The following MTHFD2L variants were observed in gnomAD, a reference collection of about 807,000 sequenced individuals.
MTHFD2L encodes methylenetetrahydrofolate dehydrogenase (NADP+ dependent) 2 like.
In MTHFD2L, 29 loss-of-function variants were observed where a neutral mutation model predicts 34.9. The observed-to-expected ratio is 0.83, with a 90% CI of 0.62 to 1.13. The LOEUF (loss-of-function observed/expected upper bound fraction) is 1.13. Ranked by LOEUF, MTHFD2L falls within the 50% of genes most tolerant of loss-of-function variation. The probability of loss-of-function intolerance (pLI) is 0.00; values close to 1 mark genes in which losing one functional copy is unlikely to be tolerated. For missense variants in MTHFD2L, 481 were observed against 446.5 expected (o/e 1.08, Z -0.70); for synonymous variants, 167 against 155.7 (o/e 1.07, Z -0.54).
chr4:74,250,869 G>A (rs576336585), intron 6 of MTHFD2L, among the ~76,000 whole-genome samples: 44 of 152,198 alleles, frequency 2.9e-4, no homozygotes, highest in South Asian at 2.3e-3. Flanking sequence ...TCCCAACTGC[G>A]CACTCCATTT....
At position 74,225,366 on chromosome 4, in the gene MTHFD2L, G is replaced by T. The variant is rs200101639; in HGVS notation, c.777G>T (p.Gln259His). Residue 259 changes from glutamine (Q) to histidine (H), a missense_variant, in exon 6 of 8, where the codon CAG (glutamine) becomes CAT (histidine). Gln to His is a conservative substitution (Grantham distance 24, BLOSUM62 0). Coordinates refer to ENST00000325278, the MANE Select transcript of MTHFD2L (RefSeq NM_001144978.3). ...AAGAGCAACTGAAGATTCATACGCA[G>T]CTGGCAGATATTATCATAGTTGCTG... ...TPKEQLKIHT[Q>H]LADIIIVAAG... 7.4e-6 allele frequency: 12 copies of T among 1,612,954 alleles called. No individual in the cohort carries two copies. In the Admixed American group the frequency reaches 8.3e-5, roughly 11 times the overall value.
At chr4:74,193,370 T>C (rs571490616) in intron 3 of MTHFD2L, among the ~76,000 whole-genome samples, 8 of 152,320 alleles carry the variant, frequency 5.3e-5, no homozygotes, top group African/African-American at 1.9e-4. Context: ...TTGTAGCAAG[T>C]CTTGAAGTCA....
chr4:74,143,392 G>T, intron 1 of MTHFD2L: 1 of 985,054 alleles, frequency 1.0e-6, no homozygotes, highest in Non-Finnish European at 1.2e-6. Context: ...TTTTTGTCTA[G>T]GCTGGTGCAG....
chr4:74,154,465 TATTC>T (rs1416598402), upstream of MTHFD2L, among the ~76,000 whole-genome samples: 1 of 152,162 alleles, frequency 6.6e-6, no homozygotes, highest in African/African-American at 2.4e-5. Context: ...TTTATTTATT[TATTC>T]AATCACATAT....
At chr4:74,282,367 A>G (rs1225845429) in intron 7 of MTHFD2L, among the ~76,000 whole-genome samples, 1 of 152,162 alleles carries the variant, frequency 6.6e-6, no homozygotes, top group Non-Finnish European at 1.5e-5. Flanking sequence ...TGGCCAAAAA[A>G]TACAGTGCCA....
chr4:74,115,373 A>T (rs1721639836), intron 2 of MTHFD2L, among the ~76,000 whole-genome samples: 1 of 152,254 alleles, frequency 6.6e-6, no homozygotes, highest in African/African-American at 2.4e-5. Context: ...CAATGCTAAT[A>T]CCAAATACTA....
At chr4:74,281,323 A>ATG in intron 6 of MTHFD2L, 102 bp from the exon 7 acceptor site, 2 of 692,402 alleles carry the variant, frequency 2.9e-6, no homozygotes, top group Non-Finnish European at 3.9e-6. Context: ...TATTACACAT[A>ATG]CGTGTGTGTG....
chr4:74,250,097 C>A (rs1578615339), intron 6 of MTHFD2L, among the ~76,000 whole-genome samples: 1 of 152,108 alleles, frequency 6.6e-6, no homozygotes, highest in East Asian at 1.9e-4. Context: ...TCCATTCTCC[C>A]CGTCACTTTC....
chr4:74,227,354 C>A (rs1739323975), intron 6 of MTHFD2L, among the ~76,000 whole-genome samples: 1 of 151,808 alleles, frequency 6.6e-6, no homozygotes, highest in Non-Finnish European at 1.5e-5. Context: ...CTAAGAGCTG[C>A]AACAGCTTTT....
At chr4:74,209,991 C>G (rs1200577434) in intron 5 of MTHFD2L, among the ~76,000 whole-genome samples, 1 of 152,172 alleles carries the variant, frequency 6.6e-6, no homozygotes, top group Non-Finnish European at 1.5e-5. Flanking sequence ...GCATAAATGT[C>G]TTCTTTTAAA....
At chr4:74,145,066 C>T (rs961828298) in intron 1 of MTHFD2L, among the ~76,000 whole-genome samples, 3 of 151,254 alleles carry the variant, frequency 2.0e-5, no homozygotes, top group African/African-American at 7.3e-5. Context: ...AAGAATATAT[C>T]GATATAATCT....
intron 3 of MTHFD2L, chr4:74,180,779 A>G: frequency 2.4e-6 from 1 of 416,980 alleles, no homozygotes; most frequent in Non-Finnish European, 5.1e-6. Context: ...AAAGCTAAGG[A>G]GAAATAAAAA....
intron 3 of MTHFD2L, among the ~76,000 whole-genome samples, chr4:74,198,305 A>T (rs1010160040): frequency 5.3e-5 from 8 of 152,162 alleles, no homozygotes; most frequent in African/African-American, 1.7e-4. Context: ...AAAATGGTAG[A>T]TGGCAACATA....
rs188857367 is a variant in MTHFD2L at position 74,276,493 on chromosome 4, A to G, written c.806-4932A>G. On this transcript the variant is annotated intron_variant, in intron 6 of 7. Transcript: ENST00000325278. ...AACAGAAAAAGTAAAGCTCATAGGA[A>G]TAATTCACTTGAAATCATTCATTTT... 9.2e-4 allele frequency among the ~76,000 whole-genome samples: 140 copies of G among 152,284 alleles called. 1 individual carries two copies. Among genetic ancestry groups the G allele is most frequent in the African/African-American group, 3.2e-3 (133 of 41,580 alleles).
At chr4:74,270,740 A>C (rs1745870691) in intron 6 of MTHFD2L, among the ~76,000 whole-genome samples, 1 of 152,210 alleles carries the variant, frequency 6.6e-6, no homozygotes, top group Non-Finnish European at 1.5e-5. Flanking sequence ...CCTGAGGAAT[A>C]GCCACACTGT....
intron 5 of MTHFD2L, among the ~76,000 whole-genome samples, chr4:74,208,818 T>G (rs563448715): frequency 2.2e-4 from 34 of 152,280 alleles, no homozygotes; most frequent in African/African-American, 8.2e-4. Flanking sequence ...GAGCCCTTTT[T>G]GCTTGGCTGT....
chr4:74,268,054 A>G (rs1745533518), intron 6 of MTHFD2L: 4 of 985,022 alleles, frequency 4.1e-6, no homozygotes, highest in South Asian at 9.4e-5. Context: ...ATAGGAACCA[A>G]AGAAGCCAGA....
At chr4:74,278,739 A>G (rs917322936) in intron 6 of MTHFD2L, among the ~76,000 whole-genome samples, 3 of 152,114 alleles carry the variant, frequency 2.0e-5, no homozygotes, top group African/African-American at 7.2e-5. Context: ...AGAGATAAGA[A>G]GCACACAAGA....
chr4:74,192,545 C>T (rs1732737319), intron 3 of MTHFD2L, among the ~76,000 whole-genome samples: 1 of 151,998 alleles, frequency 6.6e-6, no homozygotes, highest in South Asian at 2.1e-4. Flanking sequence ...ATGTATTATT[C>T]CATAAGTTTT....
Sources: allele counts gnomAD v4.1 joint callset (sites outside exome capture counted in the v4.1 genomes callset), GRCh38; gene constraint gnomAD v4.1.1; transcripts MANE v1.5; gene names NCBI Gene and HGNC (gene_info 2026-07-23, HGNC 2026-07-21).